The following CTNND2 variants were observed in gnomAD, a reference collection of about 807,000 sequenced individuals.
CTNND2 encodes catenin delta-2.
CTNND2 carries 22 observed loss-of-function variants against 144.4 expected under a neutral mutation model. The ratio of observed to expected loss-of-function variants is 0.15; its 90% CI spans 0.11 to 0.22. CTNND2 has a LOEUF of 0.22. Among genes scored for constraint, CTNND2 ranks in the 10% least tolerant of loss-of-function variants. The pLI is 1.00. For synonymous variants in CTNND2, 751 were observed against 695.6 expected (o/e 1.08, Z -1.25); for missense variants, 1,353 against 1,618.8 (o/e 0.84, Z 2.82).
At chr5:11,516,349 A>AAATT (rs1348751737) in intron 3 of CTNND2, among the ~76,000 whole-genome samples, 2 of 151,924 alleles carry the variant, frequency 1.3e-5, no homozygotes, top group Non-Finnish European at 2.9e-5. Flanking sequence ...ATAAATAAAT[A>AAATT]AATAAATAAA....
At chr5:11,080,859 T>A (rs1268403734) in intron 16 of CTNND2, among the ~76,000 whole-genome samples, 1 of 152,154 alleles carries the variant, frequency 6.6e-6, no homozygotes, top group Non-Finnish European at 1.5e-5. Context: ...GTGGATTACC[T>A]GAGGTCAGGA....
chr5:11,292,023 T>C (rs920182102), intron 9 of CTNND2, among the ~76,000 whole-genome samples: 6 of 152,088 alleles, frequency 3.9e-5, no homozygotes, highest in Non-Finnish European at 8.8e-5. Context: ...CTAGCTCAAC[T>C]CATGGTAGCA....
At chr5:11,096,340 G>A (rs1702068382) in intron 15 of CTNND2, among the ~76,000 whole-genome samples, 1 of 152,016 alleles carries the variant, frequency 6.6e-6, no homozygotes, top group African/African-American at 2.4e-5. Context: ...CCAGGCCCCG[G>A]TGTGTGATGT....
intron 7 of CTNND2, among the ~76,000 whole-genome samples, chr5:11,370,967 T>G (rs1352255433): frequency 6.6e-6 from 1 of 152,216 alleles, no homozygotes; most frequent in Non-Finnish European, 1.5e-5. Flanking sequence ...TTAAAAACTG[T>G]AAGGTCAGTT....
intron 3 of CTNND2, among the ~76,000 whole-genome samples, chr5:11,535,846 G>C (rs1383861200): frequency 2.0e-5 from 3 of 152,064 alleles, no homozygotes; most frequent in Non-Finnish European, 2.9e-5. Flanking sequence ...AACTAATCAG[G>C]TGACTTAGAA....
intron 7 of CTNND2, among the ~76,000 whole-genome samples, chr5:11,376,322 G>GTGCGTGTATGTGTGTTCATGTATC (rs60937559): frequency 6.8e-6 from 1 of 146,080 alleles, no homozygotes; most frequent in Non-Finnish European, 1.5e-5. Flanking sequence ...TTGTGTGTGT[G>GTGCGTGTATGTGTGTTCATGTATC]TGTGTGTGTG....
chr5:11,344,957 A>G (rs1406375035), intron 9 of CTNND2, among the ~76,000 whole-genome samples: 1 of 152,176 alleles, frequency 6.6e-6, no homozygotes, highest in Admixed American at 6.5e-5. Flanking sequence ...CCTAATATGA[A>G]AATTTAAAGT....
chr5:11,237,022 CTT>C (rs368680555), intron 9 of CTNND2, among the ~76,000 whole-genome samples, 199 bp from the exon 10 acceptor site: 15 of 138,398 alleles, frequency 1.1e-4, no homozygotes, highest in Non-Finnish European at 7.9e-5. Context: ...TCTTTCTTTT[CTT>C]TTTTTTTTTT....
intron 1 of CTNND2, among the ~76,000 whole-genome samples, chr5:11,819,790 T>A (rs553143822): frequency 6.6e-6 from 1 of 152,236 alleles, no homozygotes; most frequent in African/African-American, 2.4e-5. Context: ...GTCTTGGAAG[T>A]TTATGATATT....
chr5:11,511,705 C>A (rs891719035), intron 3 of CTNND2, among the ~76,000 whole-genome samples: 1 of 152,128 alleles, frequency 6.6e-6, no homozygotes, highest in Non-Finnish European at 1.5e-5. Flanking sequence ...GAAGAAAAGA[C>A]ATCTGAAGAA....
intron 14 of CTNND2, among the ~76,000 whole-genome samples, chr5:11,105,064 A>G (rs1194761100): frequency 6.6e-6 from 1 of 152,188 alleles, no homozygotes; most frequent in African/African-American, 2.4e-5. Flanking sequence ...ACAGCTGTCA[A>G]GGCTGCTCCA....
At chr5:11,656,418 GA>G (rs11430294) in intron 2 of CTNND2, among the ~76,000 whole-genome samples, 5,528 of 146,802 alleles carry the variant, frequency 0.038, 303 homozygotes, top group African/African-American at 0.12. Flanking sequence ...AACACTCCCA[GA>G]AAAAAAAAAA....
intron 2 of CTNND2, among the ~76,000 whole-genome samples, chr5:11,699,037 TATATC>T (rs1389553524): frequency 2.7e-5 from 4 of 150,824 alleles, no homozygotes; most frequent in Non-Finnish European, 4.4e-5. Flanking sequence ...TACATATATA[TATATC>T]ATATGTTCCC....
chr5:11,496,247 G>C (rs1044182239), intron 3 of CTNND2, among the ~76,000 whole-genome samples: 16 of 152,182 alleles, frequency 1.1e-4, no homozygotes, highest in South Asian at 8.3e-4. Flanking sequence ...CCTGTGTCTT[G>C]ACCTCAGAAC....
At chr5:11,420,457 T>G (rs1419075746) in intron 3 of CTNND2, among the ~76,000 whole-genome samples, 6 of 152,232 alleles carry the variant, frequency 3.9e-5, no homozygotes, top group East Asian at 1.9e-4. Flanking sequence ...TAGTTTTGCA[T>G]GCAGCCCTCC....
intron 3 of CTNND2, among the ~76,000 whole-genome samples, chr5:11,548,712 G>GTA (rs1471697067): frequency 2.1e-4 from 32 of 152,146 alleles, no homozygotes; most frequent in Non-Finnish European, 4.0e-4. Flanking sequence ...TCCGTGTAAA[G>GTA]TGACAAATCC....
At position 11,763,597 on chromosome 5, in the gene CTNND2, AAAGT is replaced by A. The variant is rs372055480; in HGVS notation, c.38-31329_38-31326del. On this transcript the variant is annotated intron_variant, in intron 1 of 21. Coordinates refer to ENST00000304623, the MANE Select transcript of CTNND2 (RefSeq NM_001332.4). The stretch of plus-strand genomic sequence containing the variant: ...TCCAATGAGCATTACAAGAGCTTCC[AAAGT>A]AAGTAATAGAGAATTCAGAGGAAAT... Among the ~76,000 whole-genome samples the A allele has an allele frequency of 5.2e-3, 793 of 152,344 alleles. 8 individuals carry two copies. The highest frequency in any genetic ancestry group is 0.018 in the African/African-American group (737 of 41,588).
intron 9 of CTNND2, among the ~76,000 whole-genome samples, chr5:11,344,189 G>C (rs1754532944): frequency 6.6e-6 from 1 of 152,122 alleles, no homozygotes; most frequent in African/African-American, 2.4e-5. Flanking sequence ...TGGATCACGA[G>C]GTCAGGAGAT....
intron 11 of CTNND2, among the ~76,000 whole-genome samples, chr5:11,178,105 A>C (rs1760651993): frequency 6.6e-6 from 1 of 152,180 alleles, no homozygotes. Context: ...TAGAAATGGG[A>C]TCTCTCAATG....
Sources: allele counts gnomAD v4.1 joint callset (sites outside exome capture counted in the v4.1 genomes callset), GRCh38; gene constraint gnomAD v4.1.1; transcripts MANE v1.5; gene names NCBI Gene and HGNC (gene_info 2026-07-23, HGNC 2026-07-21).